NDST4: variants seen among roughly 807,000 people sequenced by gnomAD.
NDST4 encodes the protein N-deacetylase and N-sulfotransferase 4.
NDST4 carries 63 observed loss-of-function variants against 100.8 expected under a neutral mutation model. That is an observed-to-expected ratio of 0.62 (90% CI 0.51 to 0.77). The LOEUF is 0.77. NDST4 is among the 30% of genes least tolerant of loss of function. The probability of loss-of-function intolerance (pLI) is 0.00; values close to 1 mark genes in which losing one functional copy is unlikely to be tolerated. For missense variants in NDST4, 943 were observed against 1,018.4 expected, an observed-to-expected ratio of 0.93 and a Z score of 1.01; for synonymous variants, 377 against 361.8, an observed-to-expected ratio of 1.04 and a Z score of -0.48.
chr4:114,861,837 T>G (rs1723923802), intron 7 of NDST4, among the ~76,000 whole-genome samples: 1 of 152,158 alleles, frequency 6.6e-6, no homozygotes, highest in South Asian at 2.1e-4. Context: ...TCAACACAAA[T>G]GTCAACCCAT....
At chr4:114,966,088 A>T (rs1439630182) in intron 4 of NDST4, among the ~76,000 whole-genome samples, 2 of 152,036 alleles carry the variant, frequency 1.3e-5, no homozygotes, top group Non-Finnish European at 2.9e-5. Context: ...GGTATCTTGT[A>T]ACTGCCATAT....
At chr4:114,905,881 T>G (rs950644771) in intron 6 of NDST4, among the ~76,000 whole-genome samples, 5 of 151,970 alleles carry the variant, frequency 3.3e-5, no homozygotes, top group Non-Finnish European at 7.4e-5. Flanking sequence ...TGCTGGAAGG[T>G]AACTGAATTT....
At chr4:115,029,917 T>C (rs1728078761) in intron 2 of NDST4, among the ~76,000 whole-genome samples, 2 of 152,136 alleles carry the variant, frequency 1.3e-5, no homozygotes, top group South Asian at 4.1e-4. Context: ...AAAAAGTTTG[T>C]AGCTGAGAAT....
Position 114,967,505 on chromosome 4 carries a change from G to A in NDST4, c.1221+2925C>T, listed in dbSNP as rs146515979. On this transcript the variant is annotated intron_variant, in intron 4 of 13. Coordinates refer to ENST00000264363, the MANE Select transcript of NDST4 (RefSeq NM_022569.3). ...CTTAAAAAAGAAATTACACAAACAG[G>A]TGAAATCAACCATTATGAAATATAA... Among the ~76,000 whole-genome samples the A allele has an allele frequency of 2.6e-5, 4 of 152,170 alleles. No individual in the cohort carries two copies. In the East Asian group the frequency reaches 7.7e-4, roughly 29 times the overall value.
intron 6 of NDST4, among the ~76,000 whole-genome samples, chr4:114,922,984 C>T (rs549984519): frequency 9.2e-5 from 14 of 152,188 alleles, no homozygotes; most frequent in Admixed American, 8.5e-4. Flanking sequence ...AAAGAGAAAG[C>T]AGAGATGAAA....
chr4:114,844,710 T>G (rs1040804854), intron 10 of NDST4, among the ~76,000 whole-genome samples: 1 of 152,240 alleles, frequency 6.6e-6, no homozygotes, highest in Admixed American at 6.5e-5. Flanking sequence ...TTTTATTAAT[T>G]AAAACCACAG....
intron 6 of NDST4, among the ~76,000 whole-genome samples, chr4:114,903,084 G>T (rs1358931429): frequency 6.6e-6 from 1 of 152,008 alleles, no homozygotes; most frequent in Non-Finnish European, 1.5e-5. Context: ...TCTGAACCTT[G>T]TTCTGATGAT....
intron 1 of NDST4, among the ~76,000 whole-genome samples, chr4:115,106,977 C>A (rs767665284): frequency 8.6e-5 from 13 of 152,024 alleles, no homozygotes; most frequent in Non-Finnish European, 1.8e-4. Context: ...CAACATGACA[C>A]CCCATCTTTA....
chr4:115,094,429 G>A (rs1578517292), intron 1 of NDST4, among the ~76,000 whole-genome samples: 2 of 151,930 alleles, frequency 1.3e-5, no homozygotes, highest in Non-Finnish European at 2.9e-5. Context: ...AATGTTGATT[G>A]TAATAAATAA....
intron 6 of NDST4, among the ~76,000 whole-genome samples, chr4:114,912,387 G>A (rs1222851538): frequency 6.6e-6 from 1 of 152,076 alleles, no homozygotes; most frequent in Non-Finnish European, 1.5e-5. Context: ...CAAATACCTG[G>A]AGGAATGGAG....
At chr4:115,092,966 T>C (rs1407301845) in intron 1 of NDST4, among the ~76,000 whole-genome samples, 1 of 152,146 alleles carries the variant, frequency 6.6e-6, no homozygotes, top group Non-Finnish European at 1.5e-5. Context: ...TATAAAATAA[T>C]GGGTGAAAGT....
intron 1 of NDST4, among the ~76,000 whole-genome samples, chr4:115,078,314 T>A (rs1729233024): frequency 6.6e-6 from 1 of 152,002 alleles, no homozygotes; most frequent in Non-Finnish European, 1.5e-5. Flanking sequence ...AGAGAGTGTG[T>A]GTTTAGAAGA....
intron 3 of NDST4, among the ~76,000 whole-genome samples, chr4:114,973,259 C>T (rs182027613): frequency 1.3e-5 from 2 of 151,574 alleles, no homozygotes; most frequent in African/African-American, 2.4e-5. Flanking sequence ...ACCAGATTAG[C>T]GCATTTATTT....
chr4:115,029,750 A>G (rs937450323), intron 2 of NDST4, among the ~76,000 whole-genome samples: 2 of 152,078 alleles, frequency 1.3e-5, no homozygotes, highest in Non-Finnish European at 1.5e-5. Flanking sequence ...AGGATCCCAA[A>G]CTTCCCTACT....
At chr4:115,090,524 C>A (rs903365497) in intron 1 of NDST4, among the ~76,000 whole-genome samples, 2 of 151,678 alleles carry the variant, frequency 1.3e-5, no homozygotes, top group Non-Finnish European at 2.9e-5. Context: ...GGCCATAAAA[C>A]AGATTTGTTA....
rs1335199432 is a variant in NDST4, at chr4:115,075,975, A to G, written c.978+84T>C. 2.0e-6 allele frequency: 3 copies of G among 1,463,760 alleles called. No homozygotes were observed. In the East Asian group the frequency reaches 7.1e-5, roughly 35 times the overall value. 90.7% of individuals were successfully genotyped at this position (1,463,760 alleles called of 1,614,324 possible). On this transcript the variant is annotated intron_variant, in intron 2 of 13. Coordinates refer to ENST00000264363, the MANE Select transcript of NDST4 (RefSeq NM_022569.3). ...TCTACTGCACCTTAAAACTTTAGGG[A>G]TTAATAATCTATCATATTAGTAATA... is the stretch of plus-strand genomic sequence containing the variant.
chr4:115,084,173 G>GT (rs1560594612), intron 1 of NDST4, among the ~76,000 whole-genome samples: 1 of 152,214 alleles, frequency 6.6e-6, no homozygotes, highest in East Asian at 1.9e-4. Context: ...TGAGGAACTT[G>GT]TTGGGAACTG....
chr4:114,846,322 T>C (rs946848020), intron 9 of NDST4, among the ~76,000 whole-genome samples: 17 of 152,208 alleles, frequency 1.1e-4, no homozygotes, highest in Non-Finnish European at 1.5e-5. Context: ...CTGTGGCAAA[T>C]AGCAAATTAC....
chr4:114,894,587 T>C (rs1724672586), intron 6 of NDST4, among the ~76,000 whole-genome samples: 1 of 152,172 alleles, frequency 6.6e-6, no homozygotes, highest in Non-Finnish European at 1.5e-5. Flanking sequence ...TGCACATTGA[T>C]TTTGTATCCT....
Sources: allele counts gnomAD v4.1 joint callset (sites outside exome capture counted in the v4.1 genomes callset), GRCh38; gene constraint gnomAD v4.1.1; transcripts MANE v1.5; gene names NCBI Gene and HGNC (gene_info 2026-07-23, HGNC 2026-07-21).